Variants in F8 observed in about 807,000 individuals in gnomAD.
F8 encodes the protein antihemophilic factor.
F8 carries 12 observed loss-of-function variants against 140.6 expected under a neutral mutation model. The observed-to-expected ratio is 0.09, with a 90% CI of 0.05 to 0.14. The LOEUF is 0.14. Ranked by LOEUF, F8 falls within the 10% of genes least tolerant of loss-of-function variation. F8 has a pLI of 1.00. For missense variants in F8, 1,354 were observed against 1,720.7 expected (o/e 0.79, Z 3.77); for synonymous variants, 585 against 614.6 (o/e 0.95, Z 0.71).
chrX:155,008,026 A>T, intron 1 of F8, among the ~76,000 whole-genome samples: 1 of 110,858 alleles, frequency 9.0e-6, no homozygotes, highest in Non-Finnish European at 1.9e-5. Flanking sequence ...GAAATCTTAC[A>T]GAGGATTTGA....
intron 21 of F8, among the ~76,000 whole-genome samples, chrX:154,896,503 TCGTA>T (rs1326764701): frequency 6.1e-5 from 5 of 82,439 alleles, no homozygotes; most frequent in Non-Finnish European, 8.9e-5. Context: ...AGCCCCCATT[TCGTA>T]CACACACACA....
intron 13 of F8, among the ~76,000 whole-genome samples, chrX:154,939,196 G>A (rs781825955): frequency 3.6e-5 from 4 of 111,869 alleles, no homozygotes; most frequent in East Asian, 2.8e-4. Flanking sequence ...TGCACTGTGC[G>A]TGAGCCGAAG....
intron 23 of F8, 111 bp from the exon 24 acceptor site, chrX:154,861,977 A>C: frequency 3.3e-6 from 3 of 901,492 alleles, no homozygotes; most frequent in Non-Finnish European, 4.8e-6. Context: ...ATCATTTCTC[A>C]GGTTTTAACT....
rs2073424517 is a variant in F8, at chrX:154,966,465, T to C, written c.1232A>G (p.Asp411Gly). 1 of 1,209,539 alleles carries C rather than the reference T, an allele frequency of 8.3e-7. No individual in the cohort carries two copies. The highest frequency in any genetic ancestry group is 1.1e-6 in the Non-Finnish European group (1 of 895,117). ...WVHYIAAEEEDWDYAPLVLAP... is the reference protein window; with the variant it reads ...WVHYIAAEEEGWDYAPLVLAP... Reference sequence around the variant, plus strand: ...GAGGACTAAGGGAGCATAGTCCCAGTCCTCCTCTTCAGCAGCAATGTAATG... The same window carrying C: ...GAGGACTAAGGGAGCATAGTCCCAGCCCTCCTCTTCAGCAGCAATGTAATG... The change falls in exon 8 of 26, where the codon GAC (aspartate) becomes GGC (glycine). Residue 411 changes from aspartate (D) to glycine (G), a missense_variant. Physicochemically the swap from Asp to Gly is moderately conservative, Grantham distance 94 (BLOSUM62 -1). This residue lies in a region of F8 where 252 missense variants were observed against 338.5 expected (regional missense o/e 0.74). Coordinates refer to ENST00000360256, the MANE Select transcript of F8 (RefSeq NM_000132.4).
At chrX:154,940,017 G>A (rs1375571229) in intron 13 of F8, among the ~76,000 whole-genome samples, 4 of 111,361 alleles carry the variant, frequency 3.6e-5, no homozygotes, top group East Asian at 2.8e-4. Context: ...CCATCTGTAC[G>A]TCACCATCAT....
rs2073019217 is a variant in F8, at chrX:154,903,286, C to T, written c.5998+620G>A. ...AACCTCCTGGGCTCAAGCAATCCTT[C>T]CACTTCAGCCACCCAAGTAGGTGAA... On this transcript the variant is annotated intron_variant, in intron 18 of 25. Transcript: ENST00000360256. 1.8e-5 allele frequency among the ~76,000 whole-genome samples: 2 copies of T among 110,697 alleles called. 1 individual carries two copies. Among genetic ancestry groups the T allele is most frequent in the South Asian group, 7.7e-4 (2 of 2,594 alleles).
At chrX:154,994,950 A>C (rs1481230537) in intron 3 of F8, among the ~76,000 whole-genome samples, 2 of 111,991 alleles carry the variant, frequency 1.8e-5, no homozygotes, top group Non-Finnish European at 3.8e-5. Context: ...CTATTATATA[A>C]GTGTTGTTTT....
In F8 at chrX:155,018,171, T is replaced by G. The variant is rs782412001; in HGVS notation, c.143+4239A>C. Among the ~76,000 whole-genome samples the G allele has an allele frequency of 3.0e-3, 330 of 111,631 alleles. 4 individuals are homozygous for G. Among genetic ancestry groups the G allele is most frequent in the Non-Finnish European group, 4.9e-3 (260 of 53,077 alleles). ...GCATGAACCACCATACCTGGCCGATTGCTTATTTATATCTCCAAGCTTCAC... is the reference window on the plus strand; with the variant it reads ...GCATGAACCACCATACCTGGCCGATGGCTTATTTATATCTCCAAGCTTCAC... On this transcript the variant is annotated intron_variant, in intron 1 of 25. Coordinates refer to ENST00000360256, the MANE Select transcript of F8 (RefSeq NM_000132.4).
rs1448209368 is a variant in F8 at position 154,906,562 on chromosome X, C to T, written c.5231G>A (p.Gly1744Asp). The T allele has an allele frequency of 8.3e-7, 1 of 1,207,935 alleles. No individual in the cohort carries two copies. The highest frequency in any genetic ancestry group is 1.8e-5 in the African/African-American group (1 of 56,874). ...PHVLRNRAQS[G>D]SVPQFKKVVF... The stretch of plus-strand genomic sequence containing the variant: ...AACTTTCTTGAACTGAGGGACACTG[C>T]CACTCTGAGCCCTGGAGAAAAAAAG... Residue 1744 changes from glycine to aspartate, a missense_variant, in exon 15 of 26, where the codon GGC becomes GAC. Physicochemically the swap from Gly to Asp is moderately conservative, Grantham distance 94 (BLOSUM62 -1). This residue lies in a region of F8 where 316 missense variants were observed against 485.4 expected (regional missense o/e 0.65). Coordinates refer to ENST00000360256, the MANE Select transcript of F8 (RefSeq NM_000132.4).
chrX:154,995,440 G>A (rs2073611492), intron 3 of F8, among the ~76,000 whole-genome samples: 1 of 111,840 alleles, frequency 8.9e-6, no homozygotes, highest in Admixed American at 9.5e-5. Flanking sequence ...TTTGGTTGTT[G>A]GTAGAATAGG....
intron 1 of F8, among the ~76,000 whole-genome samples, chrX:155,012,196 C>G (rs1401719511): frequency 1.8e-5 from 2 of 112,219 alleles, no homozygotes; most frequent in Non-Finnish European, 1.9e-5. Flanking sequence ...GGAAAAGAAT[C>G]TCCACACTGA....
At chrX:154,978,733 T>A (rs915034879) in intron 6 of F8, among the ~76,000 whole-genome samples, 1 of 111,601 alleles carries the variant, frequency 9.0e-6, no homozygotes, top group East Asian at 2.8e-4. Context: ...TTCCAATTTT[T>A]AAAATTTGCT....
At chrX:154,900,519 G>A (rs28370239) in intron 20 of F8, among the ~76,000 whole-genome samples, 5 of 111,865 alleles carry the variant, frequency 4.5e-5, no homozygotes, top group East Asian at 2.8e-4. Flanking sequence ...ATGAGCCAAC[G>A]TGCCCCGCCT....
At chrX:154,942,275 C>T (rs1173114470) in intron 13 of F8, among the ~76,000 whole-genome samples, 1 of 110,292 alleles carries the variant, frequency 9.1e-6, no homozygotes, top group South Asian at 3.9e-4. Flanking sequence ...GCTAGCAAGA[C>T]TAATAAAGAA....
rs1207128535 is a variant in F8 at position 154,982,098 on chromosome X, C to T, written c.787+2589G>A. Among the ~76,000 whole-genome samples the T allele has an allele frequency of 4.6e-5, 5 of 108,704 alleles. No homozygotes were observed. In the East Asian group the frequency reaches 1.2e-3, roughly 25 times the overall value. The allele number at this position is 108,704 out of a possible 115,157, so 94.4% of individuals were successfully genotyped here. On this transcript the variant is annotated intron_variant, in intron 6 of 25. Transcript: ENST00000360256. The stretch of plus-strand genomic sequence containing the variant: ...ACTTGGGAGGCTGGGGCAGGAGAAT[C>T]GCTTGAACCCAAGAGGGGGAAGTTG...
intron 25 of F8, among the ~76,000 whole-genome samples, chrX:154,839,852 A>C (rs1482358727): frequency 3.6e-5 from 4 of 112,405 alleles, no homozygotes; most frequent in African/African-American, 1.3e-4. Flanking sequence ...TAGAATATAT[A>C]GCATAATGTA....
intron 22 of F8, among the ~76,000 whole-genome samples, chrX:154,875,736 AGTGTGTGTGTGT>A (rs35911984): frequency 3.2e-5 from 3 of 93,436 alleles, no homozygotes; most frequent in Non-Finnish European, 6.5e-5. Context: ...CTAAGAATGT[AGTGTGTGTGTGT>A]GTGTGTGTGT....
Position 154,863,242 on chromosome X carries a change from T to C in F8, c.6430-15A>G. The C allele has an allele frequency of 8.3e-7, 1 of 1,201,245 alleles. No homozygotes were observed. Among genetic ancestry groups the C allele is most frequent in the East Asian group, 3.0e-5 (1 of 33,821 alleles). On this transcript the variant is annotated splice_polypyrimidine_tract_variant and intron_variant, in intron 22 of 25. Coordinates refer to ENST00000360256, the MANE Select transcript of F8 (RefSeq NM_000132.4). ...CCAAAGAAGACCTGTATGGAGAGAT[T>C]AGCACAAATACATGGAAAGTGAATA...
At chrX:154,952,135 CA>C (rs1263746856) in intron 12 of F8, among the ~76,000 whole-genome samples, 3 of 111,832 alleles carry the variant, frequency 2.7e-5, no homozygotes, top group Non-Finnish European at 3.8e-5. Flanking sequence ...AATATTCTAT[CA>C]GGCTGAAGGA....
Sources: allele counts gnomAD v4.1 joint callset (sites outside exome capture counted in the v4.1 genomes callset), GRCh38; gene constraint gnomAD v4.1.1; regional missense constraint gnomAD v4.1.1; transcripts MANE v1.5; gene names NCBI Gene and HGNC (gene_info 2026-07-23, HGNC 2026-07-21).